Variants in COMMD4 observed in about 807,000 individuals in gnomAD.
COMMD4 encodes the protein COMM domain-containing protein 4.
A neutral mutation model predicts 27.5 loss-of-function variants in COMMD4; 18 were observed. That is an observed-to-expected ratio of 0.65 (90% confidence interval 0.45 to 0.97). COMMD4 has a LOEUF of 0.97. COMMD4 is among the 50% of genes least tolerant of loss of function. COMMD4 has a pLI of 0.00. For synonymous variants in COMMD4, 108 were observed against 108.4 expected, an observed-to-expected ratio of 1.00 and a Z score of 0.02; for missense variants, 243 against 250.0, an observed-to-expected ratio of 0.97 and a Z score of 0.19.
chr15:75,338,375 G>A lies in COMMD4; in HGVS notation c.96G>A (p.Leu32=). The part of the protein sequence containing the change: ...LAKMSSVKLR[L]LCSQVLKELL... ...TCCAGTCCTCTGTGAAGTTGCGGCT[G>A]CTCTGCAGCCAGGTACTAAAGGAGC... The change falls in exon 3 of 8, where the codon CTG becomes CTA. Residue 32 remains leucine, a synonymous_variant. Coordinates refer to ENST00000267935, the MANE Select transcript of COMMD4 (RefSeq NM_017828.5). The A allele has an allele frequency of 6.3e-7, 1 of 1,596,426 alleles. No homozygotes were observed. The highest frequency in any genetic ancestry group is 8.5e-7 in the Non-Finnish European group (1 of 1,171,734).
rs1272831904 is a variant in COMMD4 at position 75,338,378 on chromosome 15, C to T, written c.99C>T (p.Leu33=). ...AKMSSVKLRL[L]CSQVLKELLG... The stretch of plus-strand genomic sequence containing the variant: ...AGTCCTCTGTGAAGTTGCGGCTGCT[C>T]TGCAGCCAGGTACTAAAGGAGCTGC... Residue 33 remains leucine (L), a synonymous_variant, in exon 3 of 8, where the codon CTC becomes CTT. Transcript: ENST00000267935. The T allele has an allele frequency of 3.1e-6, 5 of 1,595,204 alleles. No homozygotes were observed. The highest frequency in any genetic ancestry group is 4.3e-6 in the Non-Finnish European group (5 of 1,171,050).
At chr15:75,342,250 T>TG (rs953298472), downstream of COMMD4, 32 of 151,378 alleles carry the variant, frequency 2.1e-4, no homozygotes, top group African/African-American at 7.3e-4. Flanking sequence ...TGCCTGGAGT[T>TG]GAAAAAAGGG....
At chr15:75,338,032 A>T in intron 1 of COMMD4, 30 bp from the exon 2 acceptor site, 4 of 1,588,144 alleles carry the variant, frequency 2.5e-6, no homozygotes, top group Non-Finnish European at 3.4e-6. Flanking sequence ...GCCTCCCTCC[A>T]GCCTGATTAC....
intron 1 of COMMD4, 105 bp downstream of exon 1, chr15:75,336,197 C>T: frequency 1.9e-6 from 3 of 1,549,068 alleles, no homozygotes; most frequent in Non-Finnish European, 1.7e-6. Flanking sequence ...TCTCCGCAAA[C>T]ACAGTGTGTG....
At chr15:75,341,398 C>G (rs907691815), downstream of COMMD4, 3 of 152,200 alleles carry the variant, frequency 2.0e-5, no homozygotes, top group African/African-American at 7.2e-5. Flanking sequence ...AGAATAATGG[C>G]TTGTTCCACT....
Position 75,339,055 on chromosome 15 carries a change from C to A in COMMD4, c.252C>A (p.Val84=). 1.2e-6 allele frequency: 2 copies of A among 1,613,832 alleles called. No individual in the cohort carries two copies. Among genetic ancestry groups the A allele is most frequent in the Non-Finnish European group, 1.7e-6 (2 of 1,179,908 alleles). ...FILSSAAKHS[V]DGESLSSELQ... ...TCTCCAGTGCGGCCAAGCACAGTGT[C>A]GATGGCGAATCCTTGTCCAGTGAAC... is the stretch of plus-strand genomic sequence containing the variant. The change falls in exon 5 of 8, where the codon GTC becomes GTA. Residue 84 remains valine, a synonymous_variant. Transcript: ENST00000267935.
intron 1 of COMMD4, 105 bp downstream of exon 1, chr15:75,336,197 C>A: frequency 1.3e-6 from 2 of 1,549,068 alleles, no homozygotes; most frequent in South Asian, 1.2e-5. Context: ...TCTCCGCAAA[C>A]ACAGTGTGTG....
Position 75,340,045 on chromosome 15 carries a change from C to G in COMMD4, c.*40C>G, listed in dbSNP as rs200240397. The G allele has an allele frequency of 1.2e-6, 2 of 1,610,248 alleles. No individual in the cohort carries two copies. Among genetic ancestry groups the G allele is most frequent in the Admixed American group, 1.7e-5 (1 of 59,646 alleles). The stretch of plus-strand genomic sequence containing the variant: ...CAGGCCTGTGTGGAGCCGCCCTGCC[C>G]GTATGGAGTCACGCCCTCTGAACTG... On this transcript the variant is annotated 3_prime_UTR_variant, in exon 8 of 8. Transcript: ENST00000267935.
rs1455382157 is a variant in COMMD4 at position 75,337,782 on chromosome 15, C to T, written c.4-280C>T. The T allele has an allele frequency of 8.7e-5, 41 of 472,082 alleles. No individual in the cohort carries two copies. In the East Asian group the frequency reaches 1.5e-3, roughly 17 times the overall value. 29.2% of individuals were successfully genotyped at this position (472,082 alleles called of 1,614,324 possible). A position where few individuals can be genotyped will look rare whatever the true frequency, so the allele number is the denominator to read the frequency against. The stretch of plus-strand genomic sequence containing the variant: ...TTTGTTTTATCCCATGCTGTACCCC[C>T]AGCACTTAGAGTGGGAGCTAGCACA... On this transcript the variant is annotated intron_variant, in intron 1 of 7. Coordinates refer to ENST00000267935, the MANE Select transcript of COMMD4 (RefSeq NM_017828.5).
chr15:75,336,898 T>G (rs920440865), intron 1 of COMMD4: 1 of 152,198 alleles, frequency 6.6e-6, no homozygotes, highest in South Asian at 2.1e-4. Context: ...GACTTCAGGT[T>G]AGAGAGAGTA....
chr15:75,337,256 T>G (rs1429794959), intron 1 of COMMD4: 1 of 150,758 alleles, frequency 6.6e-6, no homozygotes, highest in Non-Finnish European at 1.5e-5. Flanking sequence ...ATTTTTTTAT[T>G]TTTTAAAAAA....
chr15:75,338,799 G>A (rs2071328542), intron 4 of COMMD4, 114 bp downstream of exon 4: 1 of 1,413,494 alleles, frequency 7.1e-7, no homozygotes, highest in South Asian at 1.2e-5. Flanking sequence ...ACCTTCCCTA[G>A]TGGAGGAGCA....
rs1595843146 is a variant in COMMD4 at position 75,340,109 on chromosome 15, C to T, written c.*104C>T. The T allele has an allele frequency of 2.9e-6, 4 of 1,386,888 alleles. No homozygotes were observed. Among genetic ancestry groups the T allele is most frequent in the Non-Finnish European group, 3.0e-6 (3 of 1,012,070 alleles). 85.9% of individuals were successfully genotyped at this position (1,386,888 alleles called of 1,614,324 possible). The stretch of plus-strand genomic sequence containing the variant: ...AGCCCTGGTTCTAGGATGCTGAGGC[C>T]CTGGCCCGGACTCTGGCCTCCCAGA... On this transcript the variant is annotated 3_prime_UTR_variant, in exon 8 of 8. Coordinates refer to ENST00000267935, the MANE Select transcript of COMMD4 (RefSeq NM_017828.5).
At chr15:75,336,425 C>T in intron 1 of COMMD4, 1 of 669,334 alleles carries the variant, frequency 1.5e-6, no homozygotes, top group Non-Finnish European at 2.4e-6. Flanking sequence ...CCAAGAGGAC[C>T]TCCCAAGGAT....
rs368830584 is a variant in COMMD4 at position 75,339,898 on chromosome 15, C to T, written c.559+20C>T. The T allele has an allele frequency of 2.6e-5, 42 of 1,613,412 alleles. No homozygotes were observed. In the Middle Eastern group the frequency reaches 6.6e-4, roughly 25 times the overall value. On this transcript the variant is annotated intron_variant, in intron 7 of 7. Coordinates refer to ENST00000267935, the MANE Select transcript of COMMD4 (RefSeq NM_017828.5). ...TGGCAGGTGAGGCTCAGCTATTCCT[C>T]GACGGGTGAGAGGCTCTCCCAGATC... is the stretch of plus-strand genomic sequence containing the variant.
chr15:75,340,070 GCT>G lies in COMMD4; in HGVS notation c.*68_*69del. Reference sequence around the variant, plus strand: ...CGTATGGAGTCACGCCCTCTGAACTGCTCTTCGGGAGGCAGCCCTGGTTCTAG... The same window carrying G: ...CGTATGGAGTCACGCCCTCTGAACTGCTTCGGGAGGCAGCCCTGGTTCTAG... On this transcript the variant is annotated 3_prime_UTR_variant, in exon 8 of 8. Transcript: ENST00000267935. The G allele has an allele frequency of 6.3e-7, 1 of 1,576,276 alleles. No individual in the cohort carries two copies.
rs910709811 is a variant in COMMD4 at position 75,338,348 on chromosome 15, C to T, written c.76-7C>T. ...CAGCCTGGCTGATGTAAGGACTTCC[C>T]TTCCAGTCCTCTGTGAAGTTGCGGC... On this transcript the variant is annotated splice_region_variant and splice_polypyrimidine_tract_variant and intron_variant, in intron 2 of 7. Transcript: ENST00000267935. 84 of 1,595,082 alleles carry T rather than the reference C, an allele frequency of 5.3e-5. No individual in the cohort carries two copies. The highest frequency in any genetic ancestry group is 6.8e-5 in the Non-Finnish European group (79 of 1,169,746).
At chr15:75,336,429 CAAG>C (rs2071189946) in intron 1 of COMMD4, 2 of 642,712 alleles carry the variant, frequency 3.1e-6, no homozygotes, top group African/African-American at 3.8e-5. Context: ...GAGGACCTCC[CAAG>C]GATACCCCCT....
intron 6 of COMMD4, 71 bp downstream of exon 6, chr15:75,339,415 G>A: frequency 5.7e-6 from 9 of 1,571,020 alleles, no homozygotes; most frequent in Non-Finnish European, 7.8e-6. Context: ...TGCATGGAGA[G>A]TCCAGGGAGA....
Sources: allele counts gnomAD v4.1 joint callset, GRCh38; gene constraint gnomAD v4.1.1; transcripts MANE v1.5; gene names NCBI Gene and HGNC (gene_info 2026-07-23, HGNC 2026-07-21).